Variants in CDH23 observed in about 807,000 individuals in gnomAD.
The protein encoded by CDH23 is cadherin related 23.
CDH23 carries 189 observed loss-of-function variants against 317.1 expected under a neutral mutation model. That is an observed-to-expected ratio of 0.60 (90% CI 0.53 to 0.67). The LOEUF is 0.67. Ranked by LOEUF, CDH23 falls within the 30% of genes least tolerant of loss-of-function variation. CDH23 has a pLI of 0.00. For synonymous variants in CDH23, 1,839 were observed against 1,876.8 expected (o/e 0.98, Z 0.52); for missense variants, 4,401 against 4,592.4 (o/e 0.96, Z 1.20).
Position 71,710,190 on chromosome 10 carries a change from C to T in CDH23, c.3220+979C>T, listed in dbSNP as rs149566344. On this transcript the variant is annotated intron_variant, in intron 27 of 69. Transcript: ENST00000224721. ...CAACTCACATGGTGGCAGGTCGTTGCCCCAGCCTCACCTGTACACATTCTC... is the reference window on the plus strand; with the variant it reads ...CAACTCACATGGTGGCAGGTCGTTGTCCCAGCCTCACCTGTACACATTCTC... Among the ~76,000 whole-genome samples, 357 of 152,272 alleles carry T rather than the reference C, an allele frequency of 2.3e-3. 1 individual carries two copies. The highest frequency in any genetic ancestry group is 3.8e-3 in the Non-Finnish European group (256 of 68,026).
In CDH23 at chr10:71,398,046, G is replaced by A. The variant is rs1395126880; in HGVS notation, c.-6+728G>A. ...GCACTGCCCCTCATCTCCACCGTAG[G>A]TCAGCCCAGGACTCGAGCAGAGCCC... On this transcript the variant is annotated intron_variant, in intron 1 of 69. Transcript: ENST00000224721. Among the ~76,000 whole-genome samples, 3 of 152,214 alleles carry A rather than the reference G, an allele frequency of 2.0e-5. No individual in the cohort carries two copies. In the East Asian group the frequency reaches 5.8e-4, roughly 29 times the overall value.
At chr10:71,689,977 CG>C (rs2132704350) in intron 19 of CDH23, among the ~76,000 whole-genome samples, 1 of 151,960 alleles carries the variant, frequency 6.6e-6, no homozygotes, top group African/African-American at 2.4e-5. Context: ...CAGGATTTCA[CG>C]GAACTGGAAA....
chr10:71,696,938 C>T (rs928405567), intron 22 of CDH23, among the ~76,000 whole-genome samples: 2 of 152,254 alleles, frequency 1.3e-5, no homozygotes, highest in Admixed American at 6.5e-5. Flanking sequence ...ACCTCCTCCC[C>T]ACCCCAGCCA....
intron 14 of CDH23, among the ~76,000 whole-genome samples, chr10:71,672,260 A>T (rs1864180195): frequency 6.6e-6 from 1 of 151,978 alleles, no homozygotes; most frequent in South Asian, 2.1e-4. Context: ...TGGGTCAGAG[A>T]TGAGGCTAGA....
rs1156960819 is a variant in CDH23 at position 71,570,898 on chromosome 10, A to G, written c.733A>G (p.Ile245Val). 5 of 1,613,828 alleles carry G rather than the reference A, an allele frequency of 3.1e-6. No homozygotes were observed. Among genetic ancestry groups the G allele is most frequent in the Admixed American group, 1.7e-5 (1 of 60,004 alleles). Reference sequence around the variant, plus strand: ...CATCAACCTGCCTTACAGCACCAACATCTACGAGCATTCTCCTCCGGTAAG... The same window carrying G: ...CATCAACCTGCCTTACAGCACCAACGTCTACGAGCATTCTCCTCCGGTAAG... ...IFINLPYSTN[I>V]YEHSPPGTTV... Residue 245 changes from isoleucine to valine, a missense_variant, in exon 8 of 70, where the codon ATC becomes GTC. By Grantham distance (29) the Ile-to-Val change is conservative (BLOSUM62 3). Transcript: ENST00000224721.
At chr10:71,716,139 T>C in intron 28 of CDH23, 1 of 1,550,086 alleles carries the variant, frequency 6.5e-7, no homozygotes. Context: ...CTGCGGCGGC[T>C]CGGGTCCAGC....
rs750406766 is a variant in CDH23 at position 71,809,869 on chromosome 10, C to A, written c.8772C>A (p.Ser2924Arg). The A allele has an allele frequency of 1.7e-5, 27 of 1,613,314 alleles. No homozygotes were observed. Among genetic ancestry groups the A allele is most frequent in the Non-Finnish European group, 2.3e-5 (27 of 1,179,914 alleles). ...LRTFDLFMAY[S>R]PGYFVVDIVA... is the part of the protein sequence containing the mutation. ...CCTTCGACCTCTTCATGGCCTACAG[C>A]CCCGGCTACTTCGTGGTGGACATTG... The change falls in exon 61 of 70, where the codon AGC becomes AGA. Residue 2924 changes from serine to arginine, a missense_variant. Ser to Arg is a moderately radical substitution (Grantham distance 110, BLOSUM62 -1). Coordinates refer to ENST00000224721, the MANE Select transcript of CDH23 (RefSeq NM_022124.6).
chr10:71,739,785 C>T lies in CDH23; in HGVS notation c.4488+13C>T. 1.2e-6 allele frequency: 2 copies of T among 1,600,234 alleles called. No individual in the cohort carries two copies. The highest frequency in any genetic ancestry group is 1.7e-6 in the Non-Finnish European group (2 of 1,172,828). On this transcript the variant is annotated intron_variant, in intron 36 of 69. Transcript: ENST00000224721. ...CTACATCCTCCAGGTGGGGCCTGGC[C>T]TCCCTTGGACTGAGAGACCACTGGC... is the stretch of plus-strand genomic sequence containing the variant.
intron 14 of CDH23, among the ~76,000 whole-genome samples, chr10:71,670,374 G>A (rs558410751): frequency 3.9e-5 from 6 of 152,310 alleles, no homozygotes; most frequent in African/African-American, 1.4e-4. Context: ...TACTACATAC[G>A]ATGCAAAAAT....
At chr10:71,416,746 C>T (rs955784830) in intron 1 of CDH23, among the ~76,000 whole-genome samples, 17 of 152,134 alleles carry the variant, frequency 1.1e-4, no homozygotes, top group African/African-American at 3.9e-4. Context: ...TAGGTCACTG[C>T]AACCTTGAAC....
chr10:71,668,783 G>A (rs557097314), intron 14 of CDH23, among the ~76,000 whole-genome samples: 1 of 152,316 alleles, frequency 6.6e-6, no homozygotes, highest in Admixed American at 6.5e-5. Context: ...CAAGCATGTA[G>A]CAATTCCCCC....
chr10:71,637,964 A>T (rs1023521154), intron 11 of CDH23, among the ~76,000 whole-genome samples: 1 of 151,978 alleles, frequency 6.6e-6, no homozygotes, highest in South Asian at 2.1e-4. Context: ...CCAAGGGCAC[A>T]TTGTAGTTTA....
intron 9 of CDH23, among the ~76,000 whole-genome samples, chr10:71,589,140 G>C (rs76516484): frequency 7.1e-6 from 1 of 141,296 alleles, no homozygotes; most frequent in African/African-American, 2.8e-5. Flanking sequence ...TTTTTTTTTT[G>C]AGACAGTCTC....
intron 2 of CDH23, among the ~76,000 whole-genome samples, chr10:71,443,763 G>T (rs79746814): frequency 0.026 from 4,000 of 152,244 alleles, 157 homozygotes; most frequent in African/African-American, 0.084. Context: ...TTACATTCCC[G>T]CTTCGCTGGA....
chr10:71,529,522 C>T (rs1008983077), intron 6 of CDH23, among the ~76,000 whole-genome samples: 1 of 152,124 alleles, frequency 6.6e-6, no homozygotes. Context: ...TTTCATGGAG[C>T]TTTGCACTCA....
intron 3 of CDH23, among the ~76,000 whole-genome samples, chr10:71,492,201 A>G (rs1344767192): frequency 1.3e-5 from 2 of 152,124 alleles, no homozygotes; most frequent in African/African-American, 4.8e-5. Flanking sequence ...CCTTGGCTAA[A>G]TGGCAAAGGG....
At chr10:71,680,829 C>CTTTTTTTT (rs1312991062) in intron 17 of CDH23, among the ~76,000 whole-genome samples, 23 of 70,124 alleles carry the variant, frequency 3.3e-4, no homozygotes, top group Non-Finnish European at 4.2e-4. Context: ...TTTTCTTTTT[C>CTTTTTTTT]TTTTTTTTTT....
intron 47 of CDH23, among the ~76,000 whole-genome samples, chr10:71,792,551 G>A (rs558022071): frequency 1.6e-3 from 241 of 152,030 alleles, no homozygotes; most frequent in African/African-American, 5.1e-3. Flanking sequence ...TGGTCCAGGC[G>A]AGGTGGCTCA....
intron 2 of CDH23, among the ~76,000 whole-genome samples, chr10:71,443,735 C>G (rs1850014445): frequency 6.6e-6 from 1 of 152,250 alleles, no homozygotes; most frequent in Admixed American, 6.5e-5. Flanking sequence ...CCCCCTGCCC[C>G]TCCCCTTCTA....
Sources: gnomAD v4.1 joint callset for allele counts (sites outside exome capture counted in the v4.1 genomes callset) on GRCh38, gnomAD v4.1.1 for gene constraint, MANE v1.5 for transcripts, NCBI Gene and HGNC (gene_info 2026-07-23, HGNC 2026-07-21) for gene names.